The following DIS3L2 variants were observed in gnomAD, a reference collection of about 807,000 sequenced individuals.
DIS3L2 encodes DIS3-like exonuclease 2.
Under a neutral mutation model 97.5 loss-of-function variants are expected in DIS3L2, and 34 were observed. That is an observed-to-expected ratio of 0.35 (90% CI 0.27 to 0.46). The LOEUF is 0.46. DIS3L2 is among the 20% of genes least tolerant of loss of function. The probability of loss-of-function intolerance (pLI) is 1.00; values close to 1 mark genes in which losing one functional copy is unlikely to be tolerated. For synonymous variants in DIS3L2, 435 were observed against 445.2 expected, an observed-to-expected ratio of 0.98 and a Z score of 0.29; for missense variants, 1,038 against 1,146.0, an observed-to-expected ratio of 0.91 and a Z score of 1.36.
At chr2:231,962,424 T>C (rs2106208747) in intron 1 of DIS3L2, among the ~76,000 whole-genome samples, 1 of 149,154 alleles carries the variant, frequency 6.7e-6, no homozygotes, top group South Asian at 2.2e-4. Flanking sequence ...TAGTCTACAG[T>C]GTCTACCGTT....
intron 8 of DIS3L2, 149 bp from the exon 9 acceptor site, chr2:232,163,310 T>C (rs1486854761): frequency 4.3e-6 from 3 of 702,928 alleles, no homozygotes; most frequent in East Asian, 5.6e-5. Flanking sequence ...TGCTTTCCCA[T>C]TGCCAGTGAT....
intron 14 of DIS3L2, among the ~76,000 whole-genome samples, chr2:232,328,293 G>A (rs965489898): frequency 6.6e-6 from 1 of 152,236 alleles, no homozygotes; most frequent in African/African-American, 2.4e-5. Context: ...AGTCCCCAGG[G>A]GAGGCGCTAG....
intron 10 of DIS3L2, among the ~76,000 whole-genome samples, chr2:232,223,989 G>C (rs1692574733): frequency 6.6e-6 from 1 of 152,170 alleles, no homozygotes; most frequent in Non-Finnish European, 1.5e-5. Flanking sequence ...TCAAGAAGCT[G>C]AGAGGTGGGA....
At chr2:232,049,587 C>T (rs973984759) in intron 5 of DIS3L2, among the ~76,000 whole-genome samples, 1 of 152,184 alleles carries the variant, frequency 6.6e-6, no homozygotes, top group Non-Finnish European at 1.5e-5. Flanking sequence ...TAATCTTGGA[C>T]TTCCGAGCCT....
intron 6 of DIS3L2, among the ~76,000 whole-genome samples, chr2:232,095,901 C>T (rs1350204489): frequency 6.6e-6 from 1 of 151,960 alleles, no homozygotes; most frequent in Non-Finnish European, 1.5e-5. Context: ...GTAAAGTTTC[C>T]ACTGGAAAGT....
At chr2:232,117,523 C>G (rs1471124180) in intron 6 of DIS3L2, among the ~76,000 whole-genome samples, 1 of 152,194 alleles carries the variant, frequency 6.6e-6, no homozygotes, top group Admixed American at 6.5e-5. Flanking sequence ...CCTGTTACCT[C>G]TTGAACTAGC....
intron 14 of DIS3L2, among the ~76,000 whole-genome samples, chr2:232,303,380 C>T (rs1314876708): frequency 1.3e-5 from 2 of 152,164 alleles, no homozygotes; most frequent in African/African-American, 4.8e-5. Flanking sequence ...ATACTCAGCC[C>T]AGACCCTTAA....
chr2:232,223,451 A>AG (rs1252831585), intron 10 of DIS3L2, among the ~76,000 whole-genome samples: 2 of 152,228 alleles, frequency 1.3e-5, no homozygotes, highest in Non-Finnish European at 2.9e-5. Flanking sequence ...CAAATTATTG[A>AG]GTATATGAAA....
At chr2:232,298,097 ATTT>A (rs1192591135) in intron 13 of DIS3L2, among the ~76,000 whole-genome samples, 2 of 151,908 alleles carry the variant, frequency 1.3e-5, no homozygotes, top group Non-Finnish European at 2.9e-5. Context: ...TGTCCAACCT[ATTT>A]TTCCTGGGTT....
intron 6 of DIS3L2, among the ~76,000 whole-genome samples, chr2:232,095,709 A>G (rs573339982): frequency 2.2e-4 from 33 of 152,278 alleles, no homozygotes; most frequent in African/African-American, 7.9e-4. Flanking sequence ...GTTCTTTCTA[A>G]TTGAAGTACT....
chr2:232,181,634 A>G (rs917425010), intron 9 of DIS3L2, among the ~76,000 whole-genome samples: 4 of 150,634 alleles, frequency 2.7e-5, no homozygotes, highest in African/African-American at 9.8e-5. Flanking sequence ...ATTTTTTTTA[A>G]TTTTTTAATT....
chr2:232,086,362 TA>T (rs1696615874), intron 5 of DIS3L2, among the ~76,000 whole-genome samples: 1 of 7,482 alleles, frequency 1.3e-4, no homozygotes, highest in African/African-American at 1.4e-3. Context: ...TATATATGTG[TA>T]TATGTATATG....
chr2:232,065,952 T>C (rs1212106507), intron 5 of DIS3L2, among the ~76,000 whole-genome samples: 4 of 151,952 alleles, frequency 2.6e-5, no homozygotes, highest in Non-Finnish European at 5.9e-5. Context: ...TAATTTTATT[T>C]TCCAGTTGTT....
chr2:231,964,091 G>C (rs1182909249), intron 1 of DIS3L2, among the ~76,000 whole-genome samples: 1 of 152,176 alleles, frequency 6.6e-6, no homozygotes, highest in East Asian at 1.9e-4. Context: ...TCTTCTGCAT[G>C]TGGCTAGTTA....
At chr2:232,197,553 G>T (rs551322291) in intron 9 of DIS3L2, among the ~76,000 whole-genome samples, 3 of 152,066 alleles carry the variant, frequency 2.0e-5, no homozygotes, top group Non-Finnish European at 4.4e-5. Flanking sequence ...GTTTGGATGG[G>T]GTACCTAAAA....
At chr2:232,320,546 G>A (rs1404484874) in intron 14 of DIS3L2, among the ~76,000 whole-genome samples, 1 of 152,170 alleles carries the variant, frequency 6.6e-6, no homozygotes, top group African/African-American at 2.4e-5. Flanking sequence ...GTCCCATTAG[G>A]CCAGCAGAAG....
chr2:232,182,829 A>G (rs1051945332), intron 9 of DIS3L2, among the ~76,000 whole-genome samples: 1 of 152,372 alleles, frequency 6.6e-6, no homozygotes, highest in African/African-American at 2.4e-5. Context: ...AAATAGTAAT[A>G]TAATGTGGCA....
chr2:232,114,485 G>T (rs995349759), intron 6 of DIS3L2, among the ~76,000 whole-genome samples: 2 of 152,166 alleles, frequency 1.3e-5, no homozygotes, highest in Non-Finnish European at 2.9e-5. Context: ...GATTCAGGTT[G>T]TGATTATATG....
In DIS3L2 at chr2:232,269,961, G is replaced by A. The variant is rs781020753; in HGVS notation, c.1659+6521G>A. On this transcript the variant is annotated intron_variant, in intron 13 of 20. Coordinates refer to ENST00000325385, the MANE Select transcript of DIS3L2 (RefSeq NM_152383.5). This position sits in a 1 kb window ranked among gnomAD's most constrained non-coding sequence, Gnocchi z 4.5. Reference sequence around the variant, plus strand: ...GCCTAACCTGAGGTAGGGACCGTGGGGTGAGAGAAGATGATGGACCGACCC... The same window carrying A: ...GCCTAACCTGAGGTAGGGACCGTGGAGTGAGAGAAGATGATGGACCGACCC... 1.3e-5 allele frequency among the ~76,000 whole-genome samples: 2 copies of A among 152,172 alleles called. No homozygotes were observed. Among genetic ancestry groups the A allele is most frequent in the African/African-American group, 2.4e-5 (1 of 41,406 alleles).
Sources: allele counts gnomAD v4.1 joint callset (sites outside exome capture counted in the v4.1 genomes callset), GRCh38; gene constraint gnomAD v4.1.1; non-coding constraint Gnocchi (gnomAD v3.1); transcripts MANE v1.5; gene names NCBI Gene and HGNC (gene_info 2026-07-23, HGNC 2026-07-21).